The following RFX7 variants were observed in gnomAD, a reference collection of about 807,000 sequenced individuals.
RFX7 encodes the protein DNA-binding protein RFX7.
Under a neutral mutation model 111.8 loss-of-function variants are expected in RFX7, and 26 were observed. The ratio of observed to expected loss-of-function variants is 0.23; its 90% confidence interval spans 0.17 to 0.32. The LOEUF is 0.32. RFX7 is among the 10% of genes least tolerant of loss of function. RFX7 has a pLI of 1.00. For synonymous variants in RFX7, 624 were observed against 624.4 expected (o/e 1.00, Z 0.01); for missense variants, 1,573 against 1,772.9 (o/e 0.89, Z 2.02).
intron 5 of RFX7, among the ~76,000 whole-genome samples, chr15:56,131,010 C>G (rs1428954321): frequency 6.6e-6 from 1 of 151,890 alleles, no homozygotes; most frequent in Non-Finnish European, 1.5e-5. Context: ...AAGTCCCATG[C>G]TATATAAACT....
chr15:56,165,850 T>G (rs2042775693), intron 3 of RFX7, among the ~76,000 whole-genome samples: 1 of 152,172 alleles, frequency 6.6e-6, no homozygotes, highest in South Asian at 2.1e-4. Flanking sequence ...AATACAGACT[T>G]AAATGAACTT....
intron 4 of RFX7, 112 bp from the exon 5 acceptor site, chr15:56,143,012 C>G: frequency 8.7e-7 from 1 of 1,153,270 alleles, no homozygotes; most frequent in Non-Finnish European, 1.2e-6. Flanking sequence ...TATCAACGAC[C>G]AAACCAAACT....
At chr15:56,129,111 C>T (rs1382103723) in intron 5 of RFX7, among the ~76,000 whole-genome samples, 2 of 152,122 alleles carry the variant, frequency 1.3e-5, no homozygotes, top group Non-Finnish European at 2.9e-5. Context: ...CACAATGGCT[C>T]ACGCCTGTAA....
At chr15:56,218,577 C>CTG (rs2043392243) in intron 2 of RFX7, among the ~76,000 whole-genome samples, 1 of 152,330 alleles carries the variant, frequency 6.6e-6, no homozygotes, top group Admixed American at 6.5e-5. Flanking sequence ...GGACTGCTCG[C>CTG]TGTATGGCAT....
At chr15:56,109,659 G>A (rs1430058204) in intron 5 of RFX7, among the ~76,000 whole-genome samples, 38 of 151,582 alleles carry the variant, frequency 2.5e-4, no homozygotes, top group African/African-American at 8.5e-4. Context: ...CTGTCCGGCC[G>A]CCCATCGTCT....
chr15:56,126,173 T>G (rs546471765), intron 5 of RFX7, among the ~76,000 whole-genome samples: 19 of 152,370 alleles, frequency 1.2e-4, no homozygotes, highest in Middle Eastern at 3.4e-3. Context: ...TTATTTAGTT[T>G]CCTAGTATCA....
chr15:56,115,841 C>A (rs144707736), intron 5 of RFX7, among the ~76,000 whole-genome samples: 71 of 151,692 alleles, frequency 4.7e-4, no homozygotes, highest in Non-Finnish European at 9.6e-4. Context: ...ACGTGGGAGG[C>A]TGTGGCAGGA....
intron 3 of RFX7, among the ~76,000 whole-genome samples, chr15:56,165,857 A>G (rs1282757881): frequency 2.6e-5 from 4 of 152,190 alleles, no homozygotes; most frequent in Admixed American, 6.5e-5. Flanking sequence ...ACTTAAATGA[A>G]CTTAAAATAC....
At chr15:56,214,442 G>A (rs557769374) in intron 2 of RFX7, among the ~76,000 whole-genome samples, 34 of 152,212 alleles carry the variant, frequency 2.2e-4, no homozygotes, top group African/African-American at 7.7e-4. Context: ...TAGGTCAGGC[G>A]CGGTGGCTCA....
At chr15:56,125,728 C>A (rs2042135908) in intron 5 of RFX7, among the ~76,000 whole-genome samples, 1 of 151,620 alleles carries the variant, frequency 6.6e-6, no homozygotes. Context: ...CTTAAAAAAG[C>A]ATGATATTTT....
chr15:56,094,824 C>T lies in RFX7; in HGVS notation c.2904G>A (p.Met968Ile). The T allele has an allele frequency of 6.3e-7, 1 of 1,576,544 alleles. No individual in the cohort carries two copies. The highest frequency in any genetic ancestry group is 8.6e-7 in the Non-Finnish European group (1 of 1,160,850). ...PTPTPTPTSE[M>I]IAGSQSLSRE... ...GTGACAGACTCTGAGATCCAGCAATCATTTCAGATGTCGGGGTTGGGGTTG... is the reference window on the plus strand; with the variant it reads ...GTGACAGACTCTGAGATCCAGCAATTATTTCAGATGTCGGGGTTGGGGTTG... Residue 968 changes from methionine (M) to isoleucine (I), a missense_variant, in exon 10 of 10, where the codon ATG (methionine) becomes ATA (isoleucine). This residue lies in a region of RFX7 where 625 missense variants were observed against 632.2 expected (regional missense o/e 0.99). Coordinates refer to ENST00000559447, the MANE Select transcript of RFX7 (RefSeq NM_022841.7).
intron 2 of RFX7, among the ~76,000 whole-genome samples, chr15:56,237,250 C>G (rs1159741913): frequency 6.6e-6 from 1 of 152,156 alleles, no homozygotes; most frequent in Non-Finnish European, 1.5e-5. Context: ...CTTGTCACTT[C>G]TTTTCCTGGT....
intron 2 of RFX7, among the ~76,000 whole-genome samples, chr15:56,219,906 T>C (rs2043406078): frequency 6.6e-6 from 1 of 152,240 alleles, no homozygotes; most frequent in Non-Finnish European, 1.5e-5. Flanking sequence ...CTGGGTCATA[T>C]GGTAGTTCCG....
chr15:56,244,079 G>A (rs1343765344), upstream of RFX7: 1 of 151,758 alleles, frequency 6.6e-6, no homozygotes, highest in African/African-American at 2.4e-5. Context: ...AAAACGTGGG[G>A]GAGGTGCTGG....
At chr15:56,153,747 C>G (rs1442805586) in intron 3 of RFX7, among the ~76,000 whole-genome samples, 1 of 152,178 alleles carries the variant, frequency 6.6e-6, no homozygotes, top group Admixed American at 6.5e-5. Context: ...CAAGGATGCC[C>G]TCTCTCACCA....
intron 3 of RFX7, among the ~76,000 whole-genome samples, chr15:56,169,253 C>A (rs1182660657): frequency 6.6e-6 from 1 of 152,140 alleles, no homozygotes; most frequent in Admixed American, 6.5e-5. Flanking sequence ...CCAGGTGATT[C>A]CAAACTTTCT....
chr15:56,210,448 A>C (rs1376586465), intron 2 of RFX7, among the ~76,000 whole-genome samples: 1 of 152,088 alleles, frequency 6.6e-6, no homozygotes, highest in Non-Finnish European at 1.5e-5. Context: ...GTTGAACTCA[A>C]CACCACCACC....
chr15:56,186,982 G>A (rs1437698396), intron 2 of RFX7, among the ~76,000 whole-genome samples: 1 of 152,050 alleles, frequency 6.6e-6, no homozygotes, highest in Non-Finnish European at 1.5e-5. Flanking sequence ...GGATGTTTCA[G>A]TTTCCTGAAC....
chr15:56,216,960 A>G (rs776805171), intron 2 of RFX7, among the ~76,000 whole-genome samples: 1 of 152,134 alleles, frequency 6.6e-6, no homozygotes, highest in African/African-American at 2.4e-5. Context: ...GGCTCTACGG[A>G]TATTCTTTGG....
Sources: gnomAD v4.1 joint callset for allele counts (sites outside exome capture counted in the v4.1 genomes callset) on GRCh38, gnomAD v4.1.1 for gene constraint, gnomAD v4.1.1 regional missense constraint, MANE v1.5 for transcripts, NCBI Gene and HGNC (gene_info 2026-07-23, HGNC 2026-07-21) for gene names.